MARCHF4: variants seen among roughly 807,000 people sequenced by gnomAD.
The protein encoded by MARCHF4 is membrane associated ring-CH-type finger 4.
Under a neutral mutation model 43.9 loss-of-function variants are expected in MARCHF4, and 14 were observed. That is an observed-to-expected ratio of 0.32 (90% CI 0.21 to 0.50). The LOEUF (loss-of-function observed/expected upper bound fraction) is 0.50. Ranked by LOEUF, MARCHF4 falls within the 20% of genes least tolerant of loss-of-function variation. The pLI, the probability that MARCHF4 is intolerant of heterozygous loss-of-function variation, is 0.98. For synonymous variants in MARCHF4, 226 were observed against 213.3 expected (o/e 1.06, Z -0.52); for missense variants, 468 against 536.7 (o/e 0.87, Z 1.27).
intron 1 of MARCHF4, among the ~76,000 whole-genome samples, chr2:216,301,626 G>A (rs2105949821): frequency 6.6e-6 from 1 of 152,264 alleles, no homozygotes; most frequent in Middle Eastern, 3.4e-3. Context: ...TGTTCTCATG[G>A]TAATGAGTAT....
chr2:216,328,133 G>A (rs1692025762), intron 1 of MARCHF4, among the ~76,000 whole-genome samples: 1 of 152,118 alleles, frequency 6.6e-6, no homozygotes, highest in Non-Finnish European at 1.5e-5. Context: ...CTGCAAGACA[G>A]GAAAGGCAAG....
intron 1 of MARCHF4, among the ~76,000 whole-genome samples, chr2:216,320,603 CTCTTTT>C (rs1691863865): frequency 7.1e-6 from 1 of 141,774 alleles, no homozygotes; most frequent in South Asian, 2.5e-4. Context: ...GAGCTATAGC[CTCTTTT>C]TCTTTCTTTC....
intron 1 of MARCHF4, among the ~76,000 whole-genome samples, chr2:216,356,300 A>T (rs1692502102): frequency 6.6e-6 from 1 of 152,200 alleles, no homozygotes; most frequent in Non-Finnish European, 1.5e-5. Context: ...CCCTCTTGTC[A>T]ATCTCAAAGC....
At chr2:216,292,451 G>A (rs1393009415) in intron 1 of MARCHF4, among the ~76,000 whole-genome samples, 1 of 152,216 alleles carries the variant, frequency 6.6e-6, no homozygotes, top group Non-Finnish European at 1.5e-5. Flanking sequence ...GTGTGGGGAG[G>A]AATGGGTATA....
chr2:216,363,897 C>T (rs1692626809), intron 1 of MARCHF4, among the ~76,000 whole-genome samples: 1 of 152,038 alleles, frequency 6.6e-6, no homozygotes, highest in South Asian at 2.1e-4. Flanking sequence ...ATGAGATGAC[C>T]CCTTGAATTG....
At position 216,263,504 on chromosome 2, in the gene MARCHF4, AG is replaced by A. The variant is rs1230581024; in HGVS notation, c.866-3826del. On this transcript the variant is annotated intron_variant, in intron 3 of 3. Transcript: ENST00000273067. ...AAGAAGGAGAGAGAAAGAGAGAGAGAGAGAGAGAGAGAGAGAGAGAGAGAGA... is the reference window on the plus strand; with the variant it reads ...AAGAAGGAGAGAGAAAGAGAGAGAGAAGAGAGAGAGAGAGAGAGAGAGAGA... 8.4e-4 allele frequency among the ~76,000 whole-genome samples: 118 copies of A among 140,420 alleles called. 1 individual carries two copies. Among genetic ancestry groups the A allele is most frequent in the Non-Finnish European group, 1.6e-3 (101 of 64,546 alleles). The allele number at this position is 140,420 out of a possible 152,430, so 92.1% of individuals were successfully genotyped here.
chr2:216,322,511 A>C (rs116517939), intron 1 of MARCHF4, among the ~76,000 whole-genome samples: 2,952 of 152,294 alleles, frequency 0.019, 95 homozygotes, highest in African/African-American at 0.067. Flanking sequence ...CTTAGCAGTC[A>C]TCAGATTATC....
At chr2:216,341,259 T>G (rs1692231421) in intron 1 of MARCHF4, among the ~76,000 whole-genome samples, 1 of 152,168 alleles carries the variant, frequency 6.6e-6, no homozygotes, top group Non-Finnish European at 1.5e-5. Flanking sequence ...AATAAAATGG[T>G]TTTGATTACA....
chr2:216,279,035 A>T (rs751360347), intron 2 of MARCHF4, among the ~76,000 whole-genome samples: 2 of 152,230 alleles, frequency 1.3e-5, no homozygotes, highest in Non-Finnish European at 2.9e-5. Flanking sequence ...GCCCCTGTGG[A>T]GCTTATAGTC....
At chr2:216,334,938 G>C (rs1692136464) in intron 1 of MARCHF4, among the ~76,000 whole-genome samples, 1 of 152,226 alleles carries the variant, frequency 6.6e-6, no homozygotes, top group African/African-American at 2.4e-5. Flanking sequence ...CTGGAGTACT[G>C]TGAGGGATGA....
intron 1 of MARCHF4, among the ~76,000 whole-genome samples, chr2:216,340,571 C>G (rs544078519): frequency 5.1e-4 from 77 of 152,300 alleles, no homozygotes; most frequent in African/African-American, 1.8e-3. Flanking sequence ...AGTAGCCCCC[C>G]AGGGCTGCCA....
At chr2:216,317,150 G>C (rs973682058) in intron 1 of MARCHF4, among the ~76,000 whole-genome samples, 1 of 152,112 alleles carries the variant, frequency 6.6e-6, no homozygotes, top group Admixed American at 6.5e-5. Flanking sequence ...TTTCATTGGC[G>C]TCTTTATAGA....
chr2:216,336,742 T>TAAAAAAA lies in MARCHF4; in HGVS notation c.516+32996_516+33002dup, dbSNP rs58031229. Among the ~76,000 whole-genome samples the TAAAAAAA allele has an allele frequency of 1.8e-3, 99 of 55,658 alleles. 4 individuals are homozygous for TAAAAAAA. Among genetic ancestry groups the TAAAAAAA allele is most frequent in the African/African-American group, 4.5e-3 (89 of 19,580 alleles). 36.5% of individuals were successfully genotyped at this position (55,658 alleles called of 152,430 possible). A position where few individuals can be genotyped will look rare whatever the true frequency, so the allele number is the denominator to read the frequency against. ...GGCAAATGGGAAAGGCAAATAGATTTAAAAAAAAAAAAAAAAAAAAAAAAA... is the reference window on the plus strand; with the variant it reads ...GGCAAATGGGAAAGGCAAATAGATTTAAAAAAAAAAAAAAAAAAAAAAAAAAAAAAAA... On this transcript the variant is annotated intron_variant, in intron 1 of 3. Coordinates refer to ENST00000273067, the MANE Select transcript of MARCHF4 (RefSeq NM_020814.3).
chr2:216,311,953 T>C (rs1335791751), intron 1 of MARCHF4, among the ~76,000 whole-genome samples: 1 of 152,252 alleles, frequency 6.6e-6, no homozygotes, highest in African/African-American at 2.4e-5. Flanking sequence ...GATTTGTTTT[T>C]AGGTTTGATG....
At chr2:216,290,947 G>A (rs1255020802) in intron 1 of MARCHF4, among the ~76,000 whole-genome samples, 1 of 152,118 alleles carries the variant, frequency 6.6e-6, no homozygotes, top group Non-Finnish European at 1.5e-5. Flanking sequence ...TCCAGGAGGC[G>A]ATGTCACGTA....
In MARCHF4 at chr2:216,259,126, C is replaced by T; in HGVS notation, c.*186G>A. 1 of 696,196 alleles carries T rather than the reference C, an allele frequency of 1.4e-6. No homozygotes were observed. The highest frequency in any genetic ancestry group is 2.2e-6 in the Non-Finnish European group (1 of 445,988). The allele number at this position is 696,196 out of a possible 1,614,324, so 43.1% of individuals were successfully genotyped here. On this transcript the variant is annotated 3_prime_UTR_variant, in exon 4 of 4. Coordinates refer to ENST00000273067, the MANE Select transcript of MARCHF4 (RefSeq NM_020814.3). The stretch of plus-strand genomic sequence containing the variant: ...TTGTTGTTGTGGAGAGTGGCATTGA[C>T]TGATTGGAAATAGCAGAACTGCTCC...
intron 1 of MARCHF4, among the ~76,000 whole-genome samples, chr2:216,332,599 A>G (rs1206527945): frequency 6.6e-6 from 1 of 152,144 alleles, no homozygotes; most frequent in Non-Finnish European, 1.5e-5. Flanking sequence ...AATAGCATCA[A>G]AAGTTTAAAA....
chr2:216,356,841 G>A (rs1692510387), intron 1 of MARCHF4, among the ~76,000 whole-genome samples: 1 of 152,024 alleles, frequency 6.6e-6, no homozygotes, highest in African/African-American at 2.4e-5. Context: ...TGGCCAACAT[G>A]GTGAAACCCC....
Position 216,257,961 on chromosome 2 carries a change from T to C in MARCHF4, c.*1351A>G, listed in dbSNP as rs1460502628. ...CTAAAAACTAGTTTAAAAAAGTACT[T>C]GACAGTGTCCTTTTAATACCCATGG... is the stretch of plus-strand genomic sequence containing the variant. On this transcript the variant is annotated 3_prime_UTR_variant, in exon 4 of 4. Transcript: ENST00000273067. 2.0e-5 allele frequency: 3 copies of C among 152,148 alleles called. No individual in the cohort carries two copies. In the East Asian group the frequency reaches 5.8e-4, roughly 29 times the overall value. 9.4% of individuals were successfully genotyped at this position (152,148 alleles called of 1,614,324 possible).
Sources: allele counts gnomAD v4.1 joint callset (sites outside exome capture counted in the v4.1 genomes callset), GRCh38; gene constraint gnomAD v4.1.1; transcripts MANE v1.5; gene names NCBI Gene and HGNC (gene_info 2026-07-23, HGNC 2026-07-21).